TUSC3: variants seen among roughly 807,000 people sequenced by gnomAD.
TUSC3 encodes dolichyl-diphosphooligosaccharide--protein glycosyltransferase subunit TUSC3.
In TUSC3, 45 loss-of-function variants were observed where a neutral mutation model predicts 44.8. That is an observed-to-expected ratio of 1.00 (90% CI 0.79 to 1.29). TUSC3 has a LOEUF of 1.29. Among genes scored for constraint, TUSC3 ranks in the 50% most tolerant of loss-of-function variants. TUSC3 has a pLI of 0.00. For synonymous variants in TUSC3, 212 were observed against 152.9 expected (o/e 1.39, Z -2.85); for missense variants, 519 against 437.9 (o/e 1.19, Z -1.65).
intron 3 of TUSC3, among the ~76,000 whole-genome samples, chr8:15,655,598 C>T (rs1055393741): frequency 1.3e-5 from 2 of 152,172 alleles, no homozygotes; most frequent in Admixed American, 1.3e-4. Flanking sequence ...TCTATTCCTG[C>T]TCCAAAACTT....
intron 2 of TUSC3, among the ~76,000 whole-genome samples, chr8:15,505,681 A>T (rs1801042298): frequency 6.6e-6 from 1 of 152,202 alleles, no homozygotes; most frequent in Non-Finnish European, 1.5e-5. Context: ...GAGAAACTGC[A>T]TTTTTAACTG....
At chr8:15,777,732 T>TG in the TUSC3 span, among the ~76,000 whole-genome samples, 1 of 152,220 alleles carries the variant, frequency 6.6e-6, no homozygotes, top group South Asian at 2.1e-4. Context: ...TAAAGGTTGT[T>TG]GGACTATAAT....
intron 5 of TUSC3, among the ~76,000 whole-genome samples, chr8:15,673,239 A>T (rs1255957306): frequency 6.6e-6 from 1 of 152,086 alleles, no homozygotes; most frequent in African/African-American, 2.4e-5. Context: ...ATCTCTAAAC[A>T]TCTTCTGAAT....
At chr8:15,788,229 C>T in the TUSC3 span, among the ~76,000 whole-genome samples, 1 of 151,864 alleles carries the variant, frequency 6.6e-6, no homozygotes, top group African/African-American at 2.4e-5. Flanking sequence ...CATTAGAATA[C>T]AAGCATTCTT....
intron 5 of TUSC3, among the ~76,000 whole-genome samples, chr8:15,665,738 T>C (rs1807627699): frequency 6.6e-6 from 1 of 151,436 alleles, no homozygotes; most frequent in South Asian, 2.1e-4. Context: ...TATGTAAATA[T>C]TAAAACATAC....
the TUSC3 span, among the ~76,000 whole-genome samples, chr8:15,810,229 C>T: frequency 6.6e-6 from 1 of 152,128 alleles, no homozygotes; most frequent in Non-Finnish European, 1.5e-5. Context: ...TTTAATAGGT[C>T]GTTCAGGTGA....
intron 1 of TUSC3, among the ~76,000 whole-genome samples, chr8:15,473,527 T>A (rs1245846326): frequency 6.6e-6 from 1 of 152,210 alleles, no homozygotes; most frequent in East Asian, 1.9e-4. Context: ...CCCCACTATT[T>A]CAACGTAGGT....
intron 1 of TUSC3, among the ~76,000 whole-genome samples, chr8:15,452,542 A>G (rs943440644): frequency 6.6e-6 from 1 of 152,080 alleles, no homozygotes; most frequent in African/African-American, 2.4e-5. Flanking sequence ...TGGAGCCCTA[A>G]TTAGGGAAGA....
chr8:15,658,461 T>G (rs1336862590), intron 3 of TUSC3, among the ~76,000 whole-genome samples: 3 of 152,164 alleles, frequency 2.0e-5, no homozygotes, highest in African/African-American at 7.2e-5. Context: ...TATCGTTTGC[T>G]TGATATCAAC....
At chr8:15,573,585 C>T (rs566740770) in intron 1 of TUSC3, among the ~76,000 whole-genome samples, 11 of 151,982 alleles carry the variant, frequency 7.2e-5, no homozygotes, top group South Asian at 4.2e-4. Flanking sequence ...CAGAGGGAGC[C>T]GCTGGTGGAT....
At chr8:15,692,083 T>G (rs1428733009) in intron 6 of TUSC3, among the ~76,000 whole-genome samples, 1 of 152,122 alleles carries the variant, frequency 6.6e-6, no homozygotes, top group Non-Finnish European at 1.5e-5. Context: ...GCCTGGCACA[T>G]GTGGTTTGTT....
chr8:15,619,009 C>A (rs1277439840), intron 1 of TUSC3, among the ~76,000 whole-genome samples: 1 of 152,190 alleles, frequency 6.6e-6, no homozygotes, highest in Non-Finnish European at 1.5e-5. Context: ...ATGGCTCTAC[C>A]ACTAGTCACA....
At chr8:15,641,197 C>T (rs1052249295) in intron 2 of TUSC3, among the ~76,000 whole-genome samples, 2 of 151,140 alleles carry the variant, frequency 1.3e-5, no homozygotes, top group Non-Finnish European at 3.0e-5. Context: ...CTGTCTCTAC[C>T]AGAAATAGAG....
At chr8:15,480,677 C>T (rs1042940209) in intron 1 of TUSC3, among the ~76,000 whole-genome samples, 1 of 152,172 alleles carries the variant, frequency 6.6e-6, no homozygotes, top group Non-Finnish European at 1.5e-5. Flanking sequence ...TCTTCACAGT[C>T]CCTCCCTGCA....
At chr8:15,490,112 T>A (rs1413719720) in intron 2 of TUSC3, among the ~76,000 whole-genome samples, 1 of 152,234 alleles carries the variant, frequency 6.6e-6, no homozygotes, top group South Asian at 2.1e-4. Flanking sequence ...GTTTGTTAGT[T>A]TGATTTGGTT....
intron 2 of TUSC3, among the ~76,000 whole-genome samples, chr8:15,518,038 T>G (rs1310439937): frequency 6.6e-6 from 1 of 152,068 alleles, no homozygotes; most frequent in Non-Finnish European, 1.5e-5. Flanking sequence ...CTTACCCCTT[T>G]TGCCAGCCTC....
intron 7 of TUSC3, among the ~76,000 whole-genome samples, chr8:15,736,133 A>G (rs756142868): frequency 5.1e-4 from 77 of 152,310 alleles, no homozygotes; most frequent in Middle Eastern, 3.4e-3. Context: ...ACACACATAC[A>G]CGCAGGTGCA....
At chr8:15,763,869 TC>T (rs986332071) in intron 10 of TUSC3, among the ~76,000 whole-genome samples, 38 of 152,176 alleles carry the variant, frequency 2.5e-4, no homozygotes, top group African/African-American at 8.7e-4. Flanking sequence ...TTTGTTTCAG[TC>T]CATTCCCTTG....
rs552908898 is a variant in TUSC3, at chr8:15,485,441, G to A, written n.189+1958G>A. ...TATAACATGGGTTTATCACAGGGAA[G>A]CAATGTCATTATACTCTGTTGTCTT... On this transcript the variant is annotated intron_variant and non_coding_transcript_variant, in intron 2 of 5. Coordinates refer to the TUSC3 transcript ENST00000503191. 8.8e-4 allele frequency among the ~76,000 whole-genome samples: 133 copies of A among 150,456 alleles called. 1 individual carries two copies. Among genetic ancestry groups the A allele is most frequent in the South Asian group, 5.9e-3 (28 of 4,746 alleles).
Sources: gnomAD v4.1 joint callset for allele counts (sites outside exome capture counted in the v4.1 genomes callset) on GRCh38, gnomAD v4.1.1 for gene constraint, MANE v1.5 for transcripts, NCBI Gene and HGNC (gene_info 2026-07-23, HGNC 2026-07-21) for gene names.